The following PIK3C2B variants were observed in gnomAD, a reference collection of about 807,000 sequenced individuals.
PIK3C2B encodes the protein phosphatidylinositol-4-phosphate 3-kinase catalytic subunit type 2 beta.
A neutral mutation model predicts 184.3 loss-of-function variants in PIK3C2B; 83 were observed. That is an observed-to-expected ratio of 0.45 (90% CI 0.38 to 0.54). The LOEUF (loss-of-function observed/expected upper bound fraction) is 0.54. Ranked by LOEUF, PIK3C2B falls within the 20% of genes least tolerant of loss-of-function variation. The pLI, the probability that PIK3C2B is intolerant of heterozygous loss-of-function variation, is 0.00. For missense variants in PIK3C2B, 1,736 were observed against 2,113.5 expected (o/e 0.82, Z 3.50); for synonymous variants, 779 against 837.6 (o/e 0.93, Z 1.21).
chr1:204,469,661 TG>T lies in PIK3C2B; in HGVS notation c.141del (p.Asn47LysfsTer19). ...GAGGGGTCTGCGTTCTGCTTGGCTC[TG>T]TTCTCCTCCTTGTCATGCCGGAGCC... The part of the protein sequence containing the change: ...LSRLRHDKEE[N>X]RAKQNADPSL... On this transcript the variant is annotated frameshift_variant, in exon 2 of 33. Coordinates refer to ENST00000684373, the MANE Select transcript of PIK3C2B (RefSeq NM_001377334.1). LOFTEE classifies it high-confidence loss of function. 1 of 1,614,048 alleles carries T rather than the reference TG, an allele frequency of 6.2e-7. No homozygotes were observed. The highest frequency in any genetic ancestry group is 1.1e-5 in the South Asian group (1 of 91,068).
rs1572307460 is a variant in PIK3C2B, at chr1:204,441,370, A to T, written c.3249+101T>A. The T allele has an allele frequency of 8.7e-6, 6 of 693,232 alleles. No individual in the cohort carries two copies. The East Asian group carries it at 1.5e-4, about 17-fold the overall frequency. The allele number at this position is 693,232 out of a possible 1,614,324, so 42.9% of individuals were successfully genotyped here. ...CTTTCCTACATTAAGACAGCATGGAACAGTGGGAAGAGAACCACCCAGGGG... is the reference window on the plus strand; with the variant it reads ...CTTTCCTACATTAAGACAGCATGGATCAGTGGGAAGAGAACCACCCAGGGG... On this transcript the variant is annotated intron_variant, in intron 21 of 32. Transcript: ENST00000684373.
intron 1 of PIK3C2B, among the ~76,000 whole-genome samples, chr1:204,470,560 G>A (rs1355362994): frequency 2.6e-5 from 4 of 152,222 alleles, no homozygotes; most frequent in African/African-American, 9.6e-5. Context: ...TACTGGTGGG[G>A]AATGTAAAAT....
chr1:204,463,944 A>G, intron 5 of PIK3C2B, 68 bp downstream of exon 5: 2 of 1,544,804 alleles, frequency 1.3e-6, no homozygotes, highest in South Asian at 1.2e-5. Context: ...CCCAGCACCA[A>G]TCCCATGAAG....
intron 28 of PIK3C2B, among the ~76,000 whole-genome samples, chr1:204,430,697 C>T (rs1054462748): frequency 6.6e-6 from 1 of 151,692 alleles, no homozygotes. Flanking sequence ...CTCGCTTTGC[C>T]GCCCAGGCTG....
chr1:204,464,096 A>C lies in PIK3C2B; in HGVS notation c.1226T>G (p.Leu409Arg). ...CCTCAGGTCATCATGGGTGTAGCAC[A>C]GGGTCTGGTAGATAAGCAAGTCTAC... ...STVDLLIYQT[L>R]CYTHDDLRNV... The change falls in exon 5 of 33, where the codon CTG (leucine) becomes CGG (arginine). Residue 409 changes from leucine (L) to arginine (R), a missense_variant. Coordinates refer to ENST00000684373, the MANE Select transcript of PIK3C2B (RefSeq NM_001377334.1). 1 of 1,614,156 alleles carries C rather than the reference A, an allele frequency of 6.2e-7. No individual in the cohort carries two copies. The highest frequency in any genetic ancestry group is 2.2e-5 in the East Asian group (1 of 44,888).
intron 23 of PIK3C2B, 122 bp from the exon 24 acceptor site, chr1:204,434,730 G>A (rs1400435017): frequency 1.5e-5 from 10 of 660,482 alleles, no homozygotes; most frequent in Non-Finnish European, 2.6e-5. Flanking sequence ...AACCCCAATA[G>A]TGTCTCACAT....
At chr1:204,425,805 C>A in intron 31 of PIK3C2B, 64 bp from the exon 32 acceptor site, 1 of 1,467,298 alleles carries the variant, frequency 6.8e-7, no homozygotes, top group Non-Finnish European at 9.5e-7. Flanking sequence ...CACCACCATT[C>A]CTGTGATCAC....
intron 21 of PIK3C2B, among the ~76,000 whole-genome samples, chr1:204,440,789 T>TA (rs1558239822): frequency 3.5e-5 from 5 of 142,686 alleles, no homozygotes; most frequent in African/African-American, 1.3e-4. Flanking sequence ...ATATATATAT[T>TA]TTTAGTAGAG....
intron 12 of PIK3C2B, among the ~76,000 whole-genome samples, chr1:204,453,063 T>TC (rs1558252753): frequency 6.6e-6 from 1 of 152,174 alleles, no homozygotes; most frequent in Non-Finnish European, 1.5e-5. Flanking sequence ...TCTTCCAGCA[T>TC]CTCCAGATTC....
intron 1 of PIK3C2B, among the ~76,000 whole-genome samples, chr1:204,475,214 T>C (rs911472332): frequency 2.6e-5 from 4 of 152,172 alleles, no homozygotes; most frequent in Non-Finnish European, 4.4e-5. Context: ...GATTTCTCTA[T>C]AAGACTCTCT....
chr1:204,442,574 G>A lies in PIK3C2B; in HGVS notation c.3108C>T (p.Cys1036=). 1 of 1,555,142 alleles carries A rather than the reference G, an allele frequency of 6.4e-7. No homozygotes were observed. The highest frequency in any genetic ancestry group is 8.7e-7 in the Non-Finnish European group (1 of 1,149,052). ...VKQFFALNGS[C]RLPLSPSLLV... Reference sequence around the variant, plus strand: ...GCAGACTGGGGCTGAGTGGCAAGCGGCACGAGCCATTGAGGGCAAAGAACT... The same window carrying A: ...GCAGACTGGGGCTGAGTGGCAAGCGACACGAGCCATTGAGGGCAAAGAACT... Residue 1036 remains cysteine, a synonymous_variant, in exon 20 of 33, where the codon TGC becomes TGT. Transcript: ENST00000684373.
intron 12 of PIK3C2B, among the ~76,000 whole-genome samples, chr1:204,451,638 T>C (rs1654368417): frequency 6.8e-6 from 1 of 146,794 alleles, no homozygotes; most frequent in South Asian, 2.3e-4. Flanking sequence ...AATTCCCATC[T>C]CTGTGCCTCA....
chr1:204,468,265 G>C (rs774992682), intron 2 of PIK3C2B, among the ~76,000 whole-genome samples: 1 of 152,142 alleles, frequency 6.6e-6, no homozygotes, highest in Non-Finnish European at 1.5e-5. Flanking sequence ...GGGAGAGAGA[G>C]AGAGAGAAAG....
In PIK3C2B at chr1:204,443,610, GGGAGTCA is replaced by G. The variant is rs747067968; in HGVS notation, c.2868-20_2868-14del. 9.3e-6 allele frequency: 15 copies of G among 1,613,136 alleles called. No homozygotes were observed. The highest frequency in any genetic ancestry group is 5.9e-6 in the Non-Finnish European group (7 of 1,179,114). On this transcript the variant is annotated splice_polypyrimidine_tract_variant and intron_variant, in intron 18 of 32. Transcript: ENST00000684373. ...GTCCTTCAGTAACCTGCAAGGCAGA[GGGAGTCA>G]GGAGTCAGGGCACTCCAGGGATCAA... is the stretch of plus-strand genomic sequence containing the variant.
intron 8 of PIK3C2B, among the ~76,000 whole-genome samples, chr1:204,459,462 T>C (rs1210346315): frequency 1.3e-5 from 2 of 152,238 alleles, no homozygotes; most frequent in South Asian, 2.1e-4. Flanking sequence ...TGAAACCTTC[T>C]ACCTCCTGAT....
At position 204,464,088 on chromosome 1, in the gene PIK3C2B, T is replaced by C. The variant is rs1234888718; in HGVS notation, c.1234A>G (p.Thr412Ala). ...TCCACATTCCTCAGGTCATCATGGG[T>C]GTAGCACAGGGTCTGGTAGATAAGC... ...DLLIYQTLCY[T>A]HDDLRNVDVG... The change falls in exon 5 of 33, where the codon ACC becomes GCC. Residue 412 changes from threonine to alanine, a missense_variant. Thr to Ala is a moderately conservative substitution (Grantham distance 58). Coordinates refer to ENST00000684373, the MANE Select transcript of PIK3C2B (RefSeq NM_001377334.1). The C allele has an allele frequency of 1.2e-6, 2 of 1,613,930 alleles. No homozygotes were observed. Among genetic ancestry groups the C allele is most frequent in the Admixed American group, 1.7e-5 (1 of 59,998 alleles).
At chr1:204,460,029 A>G in intron 7 of PIK3C2B, 88 bp from the exon 8 acceptor site, 1 of 999,920 alleles carries the variant, frequency 1.0e-6, no homozygotes, top group Non-Finnish European at 1.6e-6. Flanking sequence ...CCCTCTCCTC[A>G]GCTCACACTC....
At chr1:204,477,261 C>T (rs1656781974) in intron 1 of PIK3C2B, among the ~76,000 whole-genome samples, 1 of 152,088 alleles carries the variant, frequency 6.6e-6, no homozygotes, top group African/African-American at 2.4e-5. Context: ...AGGGTGAGTC[C>T]CTGGATGCTG....
At chr1:204,444,219 A>C in intron 17 of PIK3C2B, 57 bp from the exon 18 acceptor site, 1 of 1,431,334 alleles carries the variant, frequency 7.0e-7, no homozygotes, top group South Asian at 1.1e-5. Flanking sequence ...CCTGTAACCT[A>C]CACTTATTAT....
Sources: gnomAD v4.1 joint callset for allele counts (sites outside exome capture counted in the v4.1 genomes callset) on GRCh38, gnomAD v4.1.1 for gene constraint, MANE v1.5 for transcripts, NCBI Gene and HGNC (gene_info 2026-07-23, HGNC 2026-07-21) for gene names.